Variants in TUBGCP6 observed in about 807,000 individuals in gnomAD.
TUBGCP6 encodes the protein gamma-tubulin complex component 6.
Under a neutral mutation model 175.8 loss-of-function variants are expected in TUBGCP6, and 161 were observed. That is an observed-to-expected ratio of 0.92 (90% CI 0.81 to 1.04). The LOEUF (loss-of-function observed/expected upper bound fraction) is 1.04, where lower values mean the gene tolerates loss of function less well. Among genes scored for constraint, TUBGCP6 ranks in the 50% least tolerant of loss-of-function variants. The pLI is 0.00. For synonymous variants in TUBGCP6, 1,173 were observed against 1,030.5 expected (o/e 1.14, Z -2.65); for missense variants, 2,572 against 2,433.0 (o/e 1.06, Z -1.20).
At chr22:50,227,355 C>G (rs1601593644) in intron 5 of TUBGCP6, among the ~76,000 whole-genome samples, 1 of 152,256 alleles carries the variant, frequency 6.6e-6, no homozygotes, top group East Asian at 1.9e-4. Context: ...ACGAATCACC[C>G]TGATCCTCCC....
At chr22:50,241,126 C>A (rs2064833624) in intron 1 of TUBGCP6, among the ~76,000 whole-genome samples, 1 of 152,220 alleles carries the variant, frequency 6.6e-6, no homozygotes, top group African/African-American at 2.4e-5. Flanking sequence ...TAGTTTGTAG[C>A]AATTGCTCTT....
intron 10 of TUBGCP6, 69 bp from the exon 11 acceptor site, chr22:50,224,661 CT>C (rs2064579628): frequency 6.6e-7 from 1 of 1,515,648 alleles, no homozygotes; most frequent in African/African-American, 1.4e-5. Flanking sequence ...AATCCTGGCA[CT>C]TTGGGAGGCC....
intron 2 of TUBGCP6, among the ~76,000 whole-genome samples, chr22:50,239,976 C>G (rs2064820079): frequency 6.6e-6 from 1 of 152,130 alleles, no homozygotes; most frequent in African/African-American, 2.4e-5. Flanking sequence ...CAGGTGTGAT[C>G]TGGTTACTGG....
chr22:50,239,375 C>A (rs184048070), intron 2 of TUBGCP6, among the ~76,000 whole-genome samples: 39 of 152,270 alleles, frequency 2.6e-4, no homozygotes, highest in Admixed American at 2.2e-3. Context: ...CGGGGTTTCA[C>A]CATGTTGCCC....
At chr22:50,225,965 C>G in intron 9 of TUBGCP6, 22 bp from the exon 10 acceptor site, 1 of 1,613,218 alleles carries the variant, frequency 6.2e-7, no homozygotes, top group South Asian at 1.1e-5. Context: ...GATGCAAGCA[C>G]AGCCACCAGC....
Position 50,227,889 on chromosome 22 carries a change from C to T in TUBGCP6, c.1412+18G>A, listed in dbSNP as rs370237824. The stretch of plus-strand genomic sequence containing the variant: ...GCTCCCGCAAAGTCCCCTGCTCAGC[C>T]GCCATGCTGAGGCTCACCTGAGCTG... On this transcript the variant is annotated intron_variant, in intron 5 of 24. Coordinates refer to ENST00000248846, the MANE Select transcript of TUBGCP6 (RefSeq NM_020461.4). The T allele has an allele frequency of 8.4e-5, 132 of 1,569,556 alleles. No homozygotes were observed. The highest frequency in any genetic ancestry group is 1.4e-4 in the South Asian group (12 of 85,512).
At chr22:50,222,885 G>C (rs2064550950) in intron 13 of TUBGCP6, 1 of 373,780 alleles carries the variant, frequency 2.7e-6, no homozygotes, top group East Asian at 4.2e-5. Flanking sequence ...TGAAGCAAGG[G>C]GTGAGCAGGA....
chr22:50,223,997 C>G, intron 13 of TUBGCP6, 144 bp downstream of exon 13: 3 of 708,926 alleles, frequency 4.2e-6, no homozygotes, highest in Non-Finnish European at 7.0e-6. Flanking sequence ...CACAGCCACT[C>G]TGGGTTCAGC....
Position 50,217,908 on chromosome 22 carries a change from T to C in TUBGCP6, c.5368+10A>G. ...CCCCCCGCAGCCCTCCCAGCCAGGG[T>C]GGGCCTCACCTTTGAAGAGAAAGTG... On this transcript the variant is annotated intron_variant, in intron 24 of 24. Coordinates refer to ENST00000248846, the MANE Select transcript of TUBGCP6 (RefSeq NM_020461.4). The C allele has an allele frequency of 6.2e-7, 1 of 1,604,566 alleles. No homozygotes were observed. The highest frequency in any genetic ancestry group is 1.1e-5 in the South Asian group (1 of 90,472).
rs942317396 is a variant in TUBGCP6, at chr22:50,220,231, A to G, written c.4108+20T>C. Reference sequence around the variant, plus strand: ...GCGTCCCACAGTCCCACTCCTGACCACCAGCCACCCTACTCTGACCTAGTT... The same window carrying G: ...GCGTCCCACAGTCCCACTCCTGACCGCCAGCCACCCTACTCTGACCTAGTT... On this transcript the variant is annotated intron_variant, in intron 16 of 24. Coordinates refer to ENST00000248846, the MANE Select transcript of TUBGCP6 (RefSeq NM_020461.4). 1.3e-6 allele frequency: 2 copies of G among 1,543,008 alleles called. No homozygotes were observed. Among genetic ancestry groups the G allele is most frequent in the Non-Finnish European group, 1.8e-6 (2 of 1,140,664 alleles).
intron 16 of TUBGCP6, 73 bp from the exon 17 acceptor site, chr22:50,220,088 T>C (rs1038217920): frequency 6.4e-7 from 1 of 1,563,326 alleles, no homozygotes. Flanking sequence ...GAGCCGGCCC[T>C]GGCTCAAGCA....
chr22:50,227,866 T>G, intron 5 of TUBGCP6, 41 bp downstream of exon 5: 1 of 1,558,048 alleles, frequency 6.4e-7, no homozygotes, highest in Non-Finnish European at 8.7e-7. Flanking sequence ...CCCACACCGC[T>G]CCCGCAAAGT....
chr22:50,224,624 T>C (rs1435395096), intron 10 of TUBGCP6, 32 bp from the exon 11 acceptor site: 2 of 1,609,732 alleles, frequency 1.2e-6, no homozygotes, highest in Non-Finnish European at 1.7e-6. Context: ...CAAAGCATCC[T>C]GGCCGGGCGC....
chr22:50,218,471 C>T lies in TUBGCP6; in HGVS notation c.4954+17G>A. The T allele has an allele frequency of 6.2e-7, 1 of 1,613,164 alleles. No homozygotes were observed. The highest frequency in any genetic ancestry group is 1.1e-5 in the South Asian group (1 of 91,082). ...CCAGCCAGGGGTGCGGGGCGCCGGGCTCCAGCGGGGCCTCACCTGTGCGCT... is the reference window on the plus strand; with the variant it reads ...CCAGCCAGGGGTGCGGGGCGCCGGGTTCCAGCGGGGCCTCACCTGTGCGCT... On this transcript the variant is annotated intron_variant, in intron 22 of 24. Coordinates refer to ENST00000248846, the MANE Select transcript of TUBGCP6 (RefSeq NM_020461.4).
At chr22:50,220,084 G>T in intron 16 of TUBGCP6, 69 bp from the exon 17 acceptor site, 1 of 1,566,740 alleles carries the variant, frequency 6.4e-7, no homozygotes. Flanking sequence ...AGCCGAGCCG[G>T]CCCTGGCTCA....
intron 2 of TUBGCP6, among the ~76,000 whole-genome samples, chr22:50,233,754 A>G (rs1378769125): frequency 6.6e-6 from 1 of 152,114 alleles, no homozygotes; most frequent in East Asian, 1.9e-4. Context: ...ACTCATGTGG[A>G]AAGTGTTCCA....
rs750859797 is a variant in TUBGCP6, at chr22:50,219,454, C to G, written c.4318G>C (p.Glu1440Gln). 5 of 1,579,082 alleles carry G rather than the reference C, an allele frequency of 3.2e-6. No homozygotes were observed. Among genetic ancestry groups the G allele is most frequent in the Non-Finnish European group, 4.3e-6 (5 of 1,163,904 alleles). Residue 1440 changes from glutamate (E) to glutamine (Q), a missense_variant and splice_region_variant, in exon 19 of 25, where the codon GAG becomes CAG. By Grantham distance (29) the Glu-to-Gln change is conservative. Coordinates refer to ENST00000248846, the MANE Select transcript of TUBGCP6 (RefSeq NM_020461.4). ...CGCAAAAGATGAGCAATGGGCGGCT[C>G]GGCTGCGGGAGATGGAGCACGCACG... ...RYPDSYESMS[E>Q]PPIAHLLRPV...
chr22:50,229,202 C>T (rs1250958301), intron 4 of TUBGCP6, among the ~76,000 whole-genome samples: 2 of 152,196 alleles, frequency 1.3e-5, no homozygotes, highest in Non-Finnish European at 2.9e-5. Context: ...AGGGCCCACA[C>T]ACATCTGCCC....
chr22:50,224,010 A>G (rs2064567457), intron 13 of TUBGCP6, 131 bp downstream of exon 13: 2 of 775,732 alleles, frequency 2.6e-6, no homozygotes, highest in Admixed American at 4.9e-5. Flanking sequence ...GGTTCAGCAT[A>G]TTGGTCTTTC....
Sources: gnomAD v4.1 joint callset for allele counts (sites outside exome capture counted in the v4.1 genomes callset) on GRCh38, gnomAD v4.1.1 for gene constraint, MANE v1.5 for transcripts, NCBI Gene and HGNC (gene_info 2026-07-23, HGNC 2026-07-21) for gene names.